LIMCH1: variants seen among roughly 807,000 people sequenced by gnomAD.
LIMCH1 encodes LIM and calponin homology domains 1.
In LIMCH1, 113 loss-of-function variants were observed where a neutral mutation model predicts 176.5. The observed-to-expected ratio is 0.64, with a 90% CI of 0.55 to 0.75. The LOEUF (loss-of-function observed/expected upper bound fraction) is 0.75, where lower values mean the gene tolerates loss of function less well. LIMCH1 is among the 30% of genes least tolerant of loss of function. LIMCH1 has a pLI of 0.00. For missense variants in LIMCH1, 1,674 were observed against 1,814.9 expected, an observed-to-expected ratio of 0.92 and a Z score of 1.41; for synonymous variants, 619 against 645.9, an observed-to-expected ratio of 0.96 and a Z score of 0.63.
chr4:41,523,765 T>C (rs1285478005), intron 2 of LIMCH1, among the ~76,000 whole-genome samples: 2 of 152,206 alleles, frequency 1.3e-5, no homozygotes, highest in South Asian at 2.1e-4. Flanking sequence ...TGTGTAACCA[T>C]TGTTATATAA....
chr4:41,456,524 T>C, intron 1 of LIMCH1, among the ~76,000 whole-genome samples: 1 of 152,138 alleles, frequency 6.6e-6, no homozygotes, highest in East Asian at 1.9e-4. Flanking sequence ...CTTTGACCAG[T>C]GTTGCAGTTT....
At position 41,663,852 on chromosome 4, in the gene LIMCH1, T is replaced by TAAAAAAAAAA. The variant is rs34659309; in HGVS notation, c.3291+880_3291+889dup. 4.0e-4 allele frequency among the ~76,000 whole-genome samples: 33 copies of TAAAAAAAAAA among 82,750 alleles called. 1 individual carries two copies. Among genetic ancestry groups the TAAAAAAAAAA allele is most frequent in the South Asian group, 9.3e-4 (2 of 2,142 alleles). The allele number at this position is 82,750 out of a possible 152,430, so 54.3% of individuals were successfully genotyped here. A position where few individuals can be genotyped will look rare whatever the true frequency, so the allele number is the denominator to read the frequency against. On this transcript the variant is annotated intron_variant, in intron 20 of 31. Transcript: ENST00000503057. ...GGGCAACCCAGAAAGTCTTCATCTC[T>TAAAAAAAAAA]AAAAAAAAAAAAAAAAAAAAATAGT...
intron 1 of LIMCH1, among the ~76,000 whole-genome samples, chr4:41,481,953 C>T (rs995014591): frequency 1.5e-4 from 22 of 151,642 alleles, no homozygotes; most frequent in Non-Finnish European, 2.4e-4. Flanking sequence ...TGGGTTCAAG[C>T]GATTCTTCTG....
chr4:41,603,809 TAAGGAAAGGTCACAATTTAG>T lies in LIMCH1; in HGVS notation c.-133-63_-133-44del, dbSNP rs1416953263. On this transcript the variant is annotated intron_variant, in intron 2 of 31. Coordinates refer to ENST00000503057, the MANE Select transcript of LIMCH1 (RefSeq NM_001330672.2). ...GCTTCAAGTACATCTTAGTGGCATT[TAAGGAAAGGTCACAATTTAG>T]AATCTGCTATTCTGACAATATTTTC... The T allele has an allele frequency of 3.5e-6, 4 of 1,128,830 alleles. No homozygotes were observed. In the African/African-American group the frequency reaches 6.1e-5, roughly 17 times the overall value. The allele number at this position is 1,128,830 out of a possible 1,614,324, so 69.9% of individuals were successfully genotyped here. A position where few individuals can be genotyped will look rare whatever the true frequency, so the allele number is the denominator to read the frequency against.
chr4:41,693,905 A>G (rs144495925), intron 31 of LIMCH1, among the ~76,000 whole-genome samples: 1 of 152,284 alleles, frequency 6.6e-6, no homozygotes, highest in East Asian at 1.9e-4. Context: ...TGCCAACAGA[A>G]CAACCTGAAC....
At chr4:41,481,386 G>T (rs1457709231) in intron 1 of LIMCH1, among the ~76,000 whole-genome samples, 3 of 152,208 alleles carry the variant, frequency 2.0e-5, no homozygotes, top group African/African-American at 7.2e-5. Context: ...ACTCATCCTT[G>T]CTGCTAGCTA....
At chr4:41,655,522 G>A (rs1248538187) in intron 18 of LIMCH1, among the ~76,000 whole-genome samples, 2 of 152,208 alleles carry the variant, frequency 1.3e-5, no homozygotes, top group East Asian at 1.9e-4. Context: ...TTGAACAGAC[G>A]TGAATTTCAT....
chr4:41,398,124 T>C (rs2058005404), intron 1 of LIMCH1, among the ~76,000 whole-genome samples: 1 of 151,608 alleles, frequency 6.6e-6, no homozygotes, highest in African/African-American at 2.4e-5. Context: ...AAAAGAAATG[T>C]TGAAGAACTT....
At chr4:41,579,045 T>A (rs564863152) in intron 1 of LIMCH1, among the ~76,000 whole-genome samples, 48 of 137,746 alleles carry the variant, frequency 3.5e-4, no homozygotes, top group African/African-American at 1.5e-3. Context: ...AAGAAAAATG[T>A]GTGATTTTTT....
In LIMCH1 at chr4:41,381,785, A is replaced by G. The variant is rs112457137; in HGVS notation, c.96+20849A>G. On this transcript the variant is annotated intron_variant, in intron 1 of 26. Transcript: ENST00000313860. ...CAAATTGCCCCACTTGCCCCAGACA[A>G]GGCTATCCTAGATCAGCTAATAGCC... is the stretch of plus-strand genomic sequence containing the variant. 4.5e-3 allele frequency among the ~76,000 whole-genome samples: 689 copies of G among 152,266 alleles called. 13 individuals are homozygous for G. Among genetic ancestry groups the G allele is most frequent in the African/African-American group, 0.016 (667 of 41,554 alleles).
chr4:41,457,773 A>C (rs1166870438), intron 1 of LIMCH1, among the ~76,000 whole-genome samples: 1 of 152,196 alleles, frequency 6.6e-6, no homozygotes, highest in Admixed American at 6.5e-5. Flanking sequence ...CAGTTATGCA[A>C]ATCCATTCAG....
Position 41,657,999 on chromosome 4 carries a change from C to T in LIMCH1, c.3037-3421C>T, listed in dbSNP as rs532094867. ...AAGACTCTTAGGTGATAGATTGCCT[C>T]TCATGTATCAAAACCTCTCAATACT... On this transcript the variant is annotated intron_variant, in intron 18 of 31. Transcript: ENST00000503057. 7.2e-5 allele frequency among the ~76,000 whole-genome samples: 11 copies of T among 152,298 alleles called. No homozygotes were observed. In the East Asian group the frequency reaches 2.1e-3, roughly 29 times the overall value.
intron 1 of LIMCH1, among the ~76,000 whole-genome samples, chr4:41,487,653 C>CTTTTTTTTTTT (rs149754932): frequency 9.2e-6 from 1 of 108,176 alleles, no homozygotes; most frequent in African/African-American, 3.8e-5. Context: ...TTTTTATATT[C>CTTTTTTTTTTT]TTTTTTTTTT....
chr4:41,536,989 A>G (rs185290793), upstream of LIMCH1, among the ~76,000 whole-genome samples: 109 of 152,350 alleles, frequency 7.2e-4, no homozygotes, highest in East Asian at 0.011. Context: ...GAAACTCTGC[A>G]TATTATCTTT....
At position 41,501,857 on chromosome 4, in the gene LIMCH1, CTTTTTTTTTTTTTT is replaced by C. The variant is rs71198662; in HGVS notation, c.167+7267_167+7280del. Reference sequence around the variant, plus strand: ...CACTCTCATCTCCCGGTGTAGAATCCTTTTTTTTTTTTTTTTTTTTTTTTTTTTTAAAAAAAACC... The same window carrying C: ...CACTCTCATCTCCCGGTGTAGAATCCTTTTTTTTTTTTTTTAAAAAAAACC... On this transcript the variant is annotated intron_variant, in intron 2 of 26. Transcript: ENST00000313860. Among the ~76,000 whole-genome samples the C allele has an allele frequency of 2.4e-4, 18 of 74,978 alleles. No homozygotes were observed. In the South Asian group the frequency reaches 5.6e-3, roughly 23 times the overall value. The allele number at this position is 74,978 out of a possible 152,430, so 49.2% of individuals were successfully genotyped here.
At position 41,476,004 on chromosome 4, in the gene LIMCH1, CT is replaced by C. The variant is rs540756681; in HGVS notation, c.97-18531del. ...ATTTATTTTTAGAGACAAGGTCTTG[CT>C]CTGTCGCCCAGGCTGGAGGGCAGTG... On this transcript the variant is annotated intron_variant, in intron 1 of 26. Coordinates refer to the LIMCH1 transcript ENST00000313860. 6.6e-4 allele frequency among the ~76,000 whole-genome samples: 101 copies of C among 152,274 alleles called. 1 individual carries two copies. The highest frequency in any genetic ancestry group is 2.3e-3 in the African/African-American group (95 of 41,554).
chr4:41,455,710 G>A (rs761703015), intron 1 of LIMCH1, among the ~76,000 whole-genome samples: 5 of 152,146 alleles, frequency 3.3e-5, no homozygotes, highest in African/African-American at 9.7e-5. Flanking sequence ...TAGTTGCTTC[G>A]ACTCAGCGCA....
intron 2 of LIMCH1, among the ~76,000 whole-genome samples, chr4:41,511,352 C>G (rs1355204229): frequency 6.6e-6 from 1 of 152,234 alleles, no homozygotes; most frequent in Admixed American, 6.5e-5. Flanking sequence ...ACCTTTCCCT[C>G]CACCACAACA....
chr4:41,668,083 T>C (rs988531200), intron 21 of LIMCH1, among the ~76,000 whole-genome samples: 6 of 152,190 alleles, frequency 3.9e-5, no homozygotes, highest in Non-Finnish European at 7.3e-5. Flanking sequence ...CTTTCTCCAG[T>C]GTGTTTTGTA....
Sources: gnomAD v4.1 joint callset for allele counts (sites outside exome capture counted in the v4.1 genomes callset) on GRCh38, gnomAD v4.1.1 for gene constraint, MANE v1.5 for transcripts, NCBI Gene and HGNC (gene_info 2026-07-23, HGNC 2026-07-21) for gene names.